Variants in DNAH10 observed in about 807,000 individuals in gnomAD.
DNAH10 encodes the protein dynein axonemal heavy chain 10, also known as axonemal beta dynein heavy chain 10.
Under a neutral mutation model 506.6 loss-of-function variants are expected in DNAH10, and 348 were observed. That is an observed-to-expected ratio of 0.69 (90% CI 0.63 to 0.75). The LOEUF (loss-of-function observed/expected upper bound fraction) is 0.75, where lower values mean the gene tolerates loss of function less well. Ranked by LOEUF, DNAH10 falls within the 30% of genes least tolerant of loss-of-function variation. The pLI, the probability that DNAH10 is intolerant of heterozygous loss-of-function variation, is 0.00. For synonymous variants in DNAH10, 2,059 were observed against 2,198.6 expected, an observed-to-expected ratio of 0.94 and a Z score of 1.78; for missense variants, 5,179 against 5,787.1, an observed-to-expected ratio of 0.89 and a Z score of 3.41.
In DNAH10 at chr12:123,929,405, A is replaced by T. The variant is rs535307465; in HGVS notation, c.12437A>T (p.His4146Leu). The T allele has an allele frequency of 6.2e-7, 1 of 1,613,708 alleles. No individual in the cohort carries two copies. The highest frequency in any genetic ancestry group is 1.3e-5 in the African/African-American group (1 of 75,046). Reference protein sequence around the residue: ...KPLVYVLAFFHAVVQERRKFG... With the variant: ...KPLVYVLAFFLAVVQERRKFG... ...CTGGTCTACGTGCTGGCGTTCTTTC[A>T]TGCTGTGGTGCAGGAGAGAAGGAAG... The change falls in exon 71 of 79, where the codon CAT becomes CTT. Residue 4146 changes from histidine to leucine, a missense_variant. Physicochemically the swap from His to Leu is moderately conservative, Grantham distance 99. Coordinates refer to ENST00000673944, the MANE Select transcript of DNAH10 (RefSeq NM_001372106.1).
Position 123,853,389 on chromosome 12 carries a change from C to T in DNAH10, c.6438+37C>T. 6.3e-6 allele frequency: 10 copies of T among 1,593,828 alleles called. No individual in the cohort carries two copies. Among genetic ancestry groups the T allele is most frequent in the Non-Finnish European group, 8.6e-6 (10 of 1,169,576 alleles). On this transcript the variant is annotated intron_variant, in intron 36 of 78. Coordinates refer to ENST00000673944, the MANE Select transcript of DNAH10 (RefSeq NM_001372106.1). The surrounding 1 kb of genome is among the most constrained non-coding windows in gnomAD (Gnocchi z 4.7). ...GTGCTGGAACATTCTCTGGTTTCAG[C>T]TGCTTCAGGCATTTACTACGTGCCA...
intron 25 of DNAH10, among the ~76,000 whole-genome samples, chr12:123,827,981 C>G (rs1325816998): frequency 6.6e-6 from 1 of 152,064 alleles, no homozygotes; most frequent in Non-Finnish European, 1.5e-5. Flanking sequence ...TTTTATAATC[C>G]CATAACCCAG....
At chr12:123,798,213 T>C (rs1404978668) in intron 13 of DNAH10, among the ~76,000 whole-genome samples, 2 of 152,218 alleles carry the variant, frequency 1.3e-5, no homozygotes, top group Non-Finnish European at 2.9e-5. Context: ...AGTTATCAAC[T>C]ATATTAGTCC....
chr12:123,924,783 C>T (rs576720317), intron 67 of DNAH10, among the ~76,000 whole-genome samples: 4 of 152,312 alleles, frequency 2.6e-5, no homozygotes, highest in South Asian at 4.1e-4. Context: ...CCTACACACC[C>T]GTCCATCCAA....
At chr12:123,915,404 A>G (rs74415323) in intron 62 of DNAH10, among the ~76,000 whole-genome samples, 11,455 of 152,080 alleles carry the variant, frequency 0.075, 1,315 homozygotes, top group African/African-American at 0.24. Context: ...GAAAACATAC[A>G]ATTCAGTTTG....
At chr12:123,779,654 A>T (rs1957571821) in intron 5 of DNAH10, among the ~76,000 whole-genome samples, 1 of 151,996 alleles carries the variant, frequency 6.6e-6, no homozygotes, top group Non-Finnish European at 1.5e-5. Context: ...TTGATTCCTG[A>T]TGGAAGATAC....
Position 123,867,424 on chromosome 12 carries a change from TAAAC to T in DNAH10, c.7168-38_7168-35del, listed in dbSNP as rs748981362. 1.8e-5 allele frequency: 28 copies of T among 1,578,778 alleles called. 1 individual carries two copies. In the African/African-American group the frequency reaches 2.7e-4, roughly 15 times the overall value. ...AGCTTTCCACTAACTTCCATTTAAATAAACAAACCCTTGAAATGCTTTGGAATGC... is the reference window on the plus strand; with the variant it reads ...AGCTTTCCACTAACTTCCATTTAAATAAACCCTTGAAATGCTTTGGAATGC... On this transcript the variant is annotated intron_variant, in intron 41 of 78. Transcript: ENST00000673944.
intron 19 of DNAH10, among the ~76,000 whole-genome samples, chr12:123,812,198 T>A (rs1357403540): frequency 6.6e-6 from 1 of 152,018 alleles, no homozygotes; most frequent in Non-Finnish European, 1.5e-5. Flanking sequence ...ACGCCTGTAA[T>A]CCCAGTACTT....
intron 45 of DNAH10, among the ~76,000 whole-genome samples, chr12:123,873,341 G>A (rs151106287): frequency 1.4e-4 from 21 of 152,262 alleles, no homozygotes; most frequent in African/African-American, 4.6e-4. Flanking sequence ...GCTCACATGC[G>A]ACAATTCGCT....
intron 76 of DNAH10, chr12:123,932,471 G>T: frequency 5.0e-6 from 1 of 199,666 alleles, no homozygotes; most frequent in Admixed American, 5.7e-5. Flanking sequence ...CTACATTTCG[G>T]TGGTTACCAT....
At chr12:123,845,061 G>T (rs1176729843) in intron 30 of DNAH10, among the ~76,000 whole-genome samples, 3 of 152,072 alleles carry the variant, frequency 2.0e-5, no homozygotes, top group African/African-American at 7.2e-5. Context: ...ACTCAGGTTG[G>T]AGTACAGTGC....
At chr12:123,876,813 A>G (rs1166559916) in intron 47 of DNAH10, among the ~76,000 whole-genome samples, 2 of 151,930 alleles carry the variant, frequency 1.3e-5, no homozygotes, top group African/African-American at 4.8e-5. Context: ...AATATGAAAC[A>G]TTAGCCAGGT....
chr12:123,774,033 C>A, intron 4 of DNAH10, 116 bp from the exon 5 acceptor site: 1 of 708,978 alleles, frequency 1.4e-6, no homozygotes, highest in Non-Finnish European at 2.4e-6. Flanking sequence ...AATCTGTAAC[C>A]AGAACATTCC....
In DNAH10 at chr12:123,909,410, C is replaced by G; in HGVS notation, c.9965C>G (p.Ser3322Trp). 1 of 1,607,254 alleles carries G rather than the reference C, an allele frequency of 6.2e-7. No individual in the cohort carries two copies. The highest frequency in any genetic ancestry group is 8.5e-7 in the Non-Finnish European group (1 of 1,176,438). ...TCTCTGATGGAGATTGATTTTGATTCGATTACCCAGAGCCAAGTGAAAAAC... is the reference window on the plus strand; with the variant it reads ...TCTCTGATGGAGATTGATTTTGATTGGATTACCCAGAGCCAAGTGAAAAAC... Reference protein sequence around the residue: ...LRSLMEIDFDSITQSQVKNIK... With the variant: ...LRSLMEIDFDWITQSQVKNIK... The change falls in exon 58 of 79, where the codon TCG (serine) becomes TGG (tryptophan). Residue 3322 changes from serine (S) to tryptophan (W), a missense_variant. Transcript: ENST00000673944. The surrounding 1 kb of genome is among the most constrained non-coding windows in gnomAD (Gnocchi z 5.4).
At position 123,916,818 on chromosome 12, in the gene DNAH10, A is replaced by G; in HGVS notation, c.11002+82A>G. On this transcript the variant is annotated intron_variant, in intron 63 of 78. Transcript: ENST00000673944. This position sits in a 1 kb window ranked among gnomAD's most constrained non-coding sequence, Gnocchi z 4.6. ...CCTCAGATCAAGGCATTCATGGGACATCATTTCACTCAGTGACCCCAGATC... is the reference window on the plus strand; with the variant it reads ...CCTCAGATCAAGGCATTCATGGGACGTCATTTCACTCAGTGACCCCAGATC... The G allele has an allele frequency of 3.4e-6, 5 of 1,483,396 alleles. No homozygotes were observed. Among genetic ancestry groups the G allele is most frequent in the Non-Finnish European group, 4.5e-6 (5 of 1,112,006 alleles). 91.9% of individuals were successfully genotyped at this position (1,483,396 alleles called of 1,614,324 possible).
chr12:123,830,428 C>A, intron 25 of DNAH10, 118 bp from the exon 26 acceptor site: 1 of 1,161,336 alleles, frequency 8.6e-7, no homozygotes, highest in Non-Finnish European at 1.2e-6. Context: ...CCTCATGTTG[C>A]AGAATTTCAT....
intron 53 of DNAH10, among the ~76,000 whole-genome samples, chr12:123,894,068 G>T (rs1201076923): frequency 6.8e-6 from 1 of 147,290 alleles, no homozygotes; most frequent in Non-Finnish European, 1.5e-5. Flanking sequence ...TCTCAGGGTT[G>T]CAGAATGAGC....
Position 123,857,225 on chromosome 12 carries a change from G to T in DNAH10, c.6608G>T (p.Gly2203Val). The change falls in exon 37 of 79, where the codon GGC becomes GTC. Residue 2203 changes from glycine to valine, a missense_variant. Gly to Val is a moderately radical substitution (Grantham distance 109, BLOSUM62 -3). Coordinates refer to ENST00000673944, the MANE Select transcript of DNAH10 (RefSeq NM_001372106.1). ...DAVEQVLEENGYAVLPIQVDK... is the reference protein window; with the variant it reads ...DAVEQVLEENVYAVLPIQVDK... ...GTAGAGCAGGTCCTGGAGGAGAACGGCTACGCGGTCCTACCCATCCAGGTA... is the reference window on the plus strand; with the variant it reads ...GTAGAGCAGGTCCTGGAGGAGAACGTCTACGCGGTCCTACCCATCCAGGTA... The T allele has an allele frequency of 1.3e-6, 2 of 1,581,666 alleles. No individual in the cohort carries two copies. The highest frequency in any genetic ancestry group is 1.7e-6 in the Non-Finnish European group (2 of 1,162,498).
At chr12:123,892,151 A>G (rs74614586) in intron 52 of DNAH10, among the ~76,000 whole-genome samples, 2,707 of 152,370 alleles carry the variant, frequency 0.018, 40 homozygotes, top group South Asian at 0.047. Context: ...TTGCATTGCT[A>G]TAAAGAAATA....
Sources: gnomAD v4.1 joint callset for allele counts (sites outside exome capture counted in the v4.1 genomes callset) on GRCh38, gnomAD v4.1.1 for gene constraint, Gnocchi (gnomAD v3.1) non-coding constraint, MANE v1.5 for transcripts, NCBI Gene and HGNC (gene_info 2026-07-23, HGNC 2026-07-21) for gene names.